Variants in SPAG16 observed in about 807,000 individuals in gnomAD.
SPAG16 encodes the protein sperm-associated antigen 16 protein.
Under a neutral mutation model 80.4 loss-of-function variants are expected in SPAG16, and 86 were observed. That is an observed-to-expected ratio of 1.07 (90% CI 0.90 to 1.28). The LOEUF is 1.28. Ranked by LOEUF, SPAG16 falls within the 50% of genes most tolerant of loss-of-function variation. The probability of loss-of-function intolerance (pLI) is 0.00; values close to 1 mark genes in which losing one functional copy is unlikely to be tolerated. For synonymous variants in SPAG16, 294 were observed against 265.9 expected, an observed-to-expected ratio of 1.11 and a Z score of -1.03; for missense variants, 870 against 765.3, an observed-to-expected ratio of 1.14 and a Z score of -1.61.
rs540961498 is a variant in SPAG16 at position 213,595,450 on chromosome 2, C to G, written c.1070+105360C>G. Among the ~76,000 whole-genome samples, 13 of 152,240 alleles carry G rather than the reference C, an allele frequency of 8.5e-5. 1 individual carries two copies. The highest frequency in any genetic ancestry group is 3.1e-4 in the African/African-American group (13 of 41,586). On this transcript the variant is annotated intron_variant, in intron 10 of 15. Transcript: ENST00000331683. The stretch of plus-strand genomic sequence containing the variant: ...ATTGTCTATTAGGTAAGAAGAAATG[C>G]AGCTTTTCTTTTAACATATATCAAA...
At chr2:213,464,158 G>A (rs1229802578) in intron 9 of SPAG16, among the ~76,000 whole-genome samples, 1 of 152,166 alleles carries the variant, frequency 6.6e-6, no homozygotes, top group Non-Finnish European at 1.5e-5. Context: ...CAAATCAGAG[G>A]TTTCTTGGTC....
chr2:213,900,656 T>C (rs1457725331), intron 11 of SPAG16, among the ~76,000 whole-genome samples: 1 of 152,174 alleles, frequency 6.6e-6, no homozygotes, highest in East Asian at 1.9e-4. Flanking sequence ...CTATTTAGAC[T>C]AATTGTTCTG....
chr2:213,973,243 A>G (rs74407465), intron 12 of SPAG16, among the ~76,000 whole-genome samples: 9,957 of 152,202 alleles, frequency 0.065, 508 homozygotes, highest in African/African-American at 0.13. Context: ...CATTTCCCAA[A>G]GAAATTACCT....
At chr2:214,349,753 A>T (rs1698279767) in intron 15 of SPAG16, among the ~76,000 whole-genome samples, 1 of 152,148 alleles carries the variant, frequency 6.6e-6, no homozygotes, top group Non-Finnish European at 1.5e-5. Context: ...TAGTGTTGTC[A>T]ATCTTTTTTG....
intron 11 of SPAG16, among the ~76,000 whole-genome samples, chr2:213,915,689 T>G (rs1192138347): frequency 6.6e-6 from 1 of 152,148 alleles, no homozygotes; most frequent in Non-Finnish European, 1.5e-5. Flanking sequence ...TTCTGAGGAA[T>G]CGCCACACTG....
chr2:214,327,978 C>T (rs1018234264), intron 15 of SPAG16, among the ~76,000 whole-genome samples: 2 of 152,078 alleles, frequency 1.3e-5, no homozygotes, highest in Admixed American at 1.3e-4. Context: ...AATGATCTGA[C>T]AGTCAATTAA....
chr2:213,871,026 A>G (rs1454844509), intron 11 of SPAG16, among the ~76,000 whole-genome samples: 1 of 152,072 alleles, frequency 6.6e-6, no homozygotes, highest in African/African-American at 2.4e-5. Flanking sequence ...AGAAGGTATT[A>G]TGTAATTTTA....
At chr2:213,400,074 A>G (rs2068235634) in intron 9 of SPAG16, among the ~76,000 whole-genome samples, 1 of 151,920 alleles carries the variant, frequency 6.6e-6, no homozygotes, top group African/African-American at 2.4e-5. Context: ...CTGTAAATAT[A>G]TAAATTTTGT....
intron 10 of SPAG16, among the ~76,000 whole-genome samples, chr2:213,777,927 T>C (rs936969837): frequency 1.1e-4 from 17 of 152,180 alleles, no homozygotes; most frequent in Non-Finnish European, 2.4e-4. Context: ...CTCTAAAATA[T>C]CATCTTCCTG....
At chr2:213,377,224 C>A (rs1179816578) in intron 9 of SPAG16, among the ~76,000 whole-genome samples, 1 of 152,122 alleles carries the variant, frequency 6.6e-6, no homozygotes, top group Non-Finnish European at 1.5e-5. Flanking sequence ...TGCTGTTGGT[C>A]TGATTCTTGT....
chr2:213,679,092 A>G (rs968191314), intron 10 of SPAG16, among the ~76,000 whole-genome samples: 5 of 152,152 alleles, frequency 3.3e-5, no homozygotes, highest in Admixed American at 1.3e-4. Context: ...TCTGCATGCA[A>G]ATCAGCTCTT....
At chr2:214,038,539 T>C (rs1048999163) in intron 13 of SPAG16, among the ~76,000 whole-genome samples, 1 of 152,188 alleles carries the variant, frequency 6.6e-6, no homozygotes, top group Non-Finnish European at 1.5e-5. Flanking sequence ...TTCATTTCTT[T>C]TTTTTTAGAT....
intron 15 of SPAG16, among the ~76,000 whole-genome samples, chr2:214,328,077 T>C (rs947350887): frequency 2.8e-4 from 42 of 152,162 alleles, no homozygotes; most frequent in African/African-American, 1.0e-3. Flanking sequence ...TTTGTCTAGG[T>C]TAAACTTGAT....
chr2:214,231,099 T>C (rs76749298), intron 15 of SPAG16, among the ~76,000 whole-genome samples: 1,696 of 152,086 alleles, frequency 0.011, 19 homozygotes, highest in Admixed American at 0.021. Flanking sequence ...TCCTATGTCG[T>C]TGGATCCAGA....
chr2:214,377,319 C>A (rs1036373099), intron 15 of SPAG16, among the ~76,000 whole-genome samples: 2 of 152,168 alleles, frequency 1.3e-5, no homozygotes, highest in Non-Finnish European at 2.9e-5. Context: ...GCCAAAAGTT[C>A]TCCCAGGAAG....
At chr2:213,719,879 C>T (rs2066435630) in intron 10 of SPAG16, among the ~76,000 whole-genome samples, 1 of 152,178 alleles carries the variant, frequency 6.6e-6, no homozygotes, top group Non-Finnish European at 1.5e-5. Flanking sequence ...TGCAAACACA[C>T]ATGCACACGT....
chr2:213,632,190 CTT>C (rs1226844781), intron 10 of SPAG16, among the ~76,000 whole-genome samples: 1 of 151,902 alleles, frequency 6.6e-6, no homozygotes, highest in Non-Finnish European at 1.5e-5. Flanking sequence ...TTATAGGGAT[CTT>C]TTACTTCTTT....
intron 14 of SPAG16, among the ~76,000 whole-genome samples, chr2:214,125,281 A>T (rs1487901638): frequency 6.6e-6 from 1 of 151,578 alleles, no homozygotes; most frequent in Non-Finnish European, 1.5e-5. Context: ...AGTCTGAGGG[A>T]TAGAATTTTT....
At chr2:214,038,401 C>T (rs1261290275) in intron 13 of SPAG16, among the ~76,000 whole-genome samples, 1 of 151,650 alleles carries the variant, frequency 6.6e-6, no homozygotes, top group Non-Finnish European at 1.5e-5. Flanking sequence ...GAACATATAA[C>T]ACACACTATG....
Sources: gnomAD v4.1 joint callset for allele counts (sites outside exome capture counted in the v4.1 genomes callset) on GRCh38, gnomAD v4.1.1 for gene constraint, MANE v1.5 for transcripts, NCBI Gene and HGNC (gene_info 2026-07-23, HGNC 2026-07-21) for gene names.